The following DLG4 variants were observed in gnomAD, a reference collection of about 807,000 sequenced individuals.
DLG4 encodes the protein disks large homolog 4.
Under a neutral mutation model 93.8 loss-of-function variants are expected in DLG4, and 7 were observed. The ratio of observed to expected loss-of-function variants is 0.07; its 90% CI spans 0.04 to 0.14. The LOEUF is 0.14. Ranked by LOEUF, DLG4 falls within the 10% of genes least tolerant of loss-of-function variation. The pLI is 1.00. For missense variants in DLG4, 545 were observed against 992.9 expected, an observed-to-expected ratio of 0.55 and a Z score of 6.06; for synonymous variants, 341 against 387.6, an observed-to-expected ratio of 0.88 and a Z score of 1.41.
rs994013299 is a variant in DLG4 at position 7,187,311 on chromosome 17, G to GTA, written c.*3396_*3397insTA. Among the ~76,000 whole-genome samples, 1 of 125,574 alleles carries GTA rather than the reference G, an allele frequency of 8.0e-6. No homozygotes were observed. The highest frequency in any genetic ancestry group is 1.9e-5 in the Non-Finnish European group (1 of 53,880). The allele number at this position is 125,574 out of a possible 152,430, so 82.4% of individuals were successfully genotyped here. A position where few individuals can be genotyped will look rare whatever the true frequency, so the allele number is the denominator to read the frequency against. ...TCCTAGCACTTTGGGAGGCCGAGGGGGGGGGGGGTGGATCACCCGAGGTCA... is the reference window on the plus strand; with the variant it reads ...TCCTAGCACTTTGGGAGGCCGAGGGGTAGGGGGGGGTGGATCACCCGAGGTCA... On this transcript the variant is annotated 3_prime_UTR_variant, in exon 20 of 20. Transcript: ENST00000399506.
chr17:7,215,103 C>T (rs1406450351), intron 1 of DLG4, among the ~76,000 whole-genome samples: 1 of 152,204 alleles, frequency 6.6e-6, no homozygotes, highest in African/African-American at 2.4e-5. Context: ...AACCACAACT[C>T]CCAACAGCGC....
intron 8 of DLG4, 184 bp downstream of exon 8, chr17:7,202,719 C>T (rs35355120): frequency 0.017 from 13,272 of 787,088 alleles, 171 homozygotes; most frequent in Non-Finnish European, 0.022. Flanking sequence ...CGTTGACGAT[C>T]TTTTCTAGTT....
In DLG4 at chr17:7,197,139, A is replaced by C. The variant is rs572852977; in HGVS notation, c.788-87T>G. On this transcript the variant is annotated intron_variant, in intron 8 of 19. Coordinates refer to ENST00000399506, the MANE Select transcript of DLG4 (RefSeq NM_001321075.3). ...TCTCCCCAGGGTGCCAGAAGAGCCA[A>C]AGTTAGGTGGAAGGGAAGATATTCT... 2.3e-6 allele frequency: 3 copies of C among 1,322,270 alleles called. No homozygotes were observed. The East Asian group carries it at 7.5e-5, about 33-fold the overall frequency. The allele number at this position is 1,322,270 out of a possible 1,614,324, so 81.9% of individuals were successfully genotyped here. A position where few individuals can be genotyped will look rare whatever the true frequency, so the allele number is the denominator to read the frequency against.
rs1183050068 is a variant in DLG4 at position 7,193,619 on chromosome 17, G to A, written c.1592-35C>T. ...GAGCCTGGCTTAGGCCGAGCGCAGG[G>A]TTGGGGGAGCAGCAAGTGCTGGGGC... On this transcript the variant is annotated intron_variant, in intron 15 of 19. Transcript: ENST00000399506. This position sits in a 1 kb window ranked among gnomAD's most constrained non-coding sequence, Gnocchi z 6.7. 1.3e-6 allele frequency: 2 copies of A among 1,530,066 alleles called. No homozygotes were observed. Among genetic ancestry groups the A allele is most frequent in the Non-Finnish European group, 1.8e-6 (2 of 1,141,308 alleles). 94.8% of individuals were successfully genotyped at this position (1,530,066 alleles called of 1,614,324 possible). A position where few individuals can be genotyped will look rare whatever the true frequency, so the allele number is the denominator to read the frequency against.
At position 7,194,725 on chromosome 17, in the gene DLG4, G is replaced by C. The variant is rs1262625266; in HGVS notation, c.1302-230C>G. 6.6e-6 allele frequency among the ~76,000 whole-genome samples: 1 copy of C among 152,196 alleles called. No homozygotes were observed. The highest frequency in any genetic ancestry group is 1.9e-4 in the East Asian group (1 of 5,184). ...GTTTCCAGAGGCAGGGCTTGAACTTGACCCTCTCAAGAAAGCAGTTTGGGC... is the reference window on the plus strand; with the variant it reads ...GTTTCCAGAGGCAGGGCTTGAACTTCACCCTCTCAAGAAAGCAGTTTGGGC... On this transcript the variant is annotated intron_variant, in intron 11 of 19. Coordinates refer to ENST00000399506, the MANE Select transcript of DLG4 (RefSeq NM_001321075.3). The surrounding 1 kb of genome is among the most constrained non-coding windows in gnomAD (Gnocchi z 4.4).
chr17:7,199,090 C>G (rs1265788153), intron 8 of DLG4, among the ~76,000 whole-genome samples: 3 of 152,168 alleles, frequency 2.0e-5, no homozygotes, highest in African/African-American at 7.2e-5. Context: ...TCTGAGGTAG[C>G]TGGTACATGA....
Position 7,196,797 on chromosome 17 carries a change from T to A in DLG4, c.1043A>T (p.Asp348Val). The A allele has an allele frequency of 6.2e-7, 1 of 1,611,250 alleles. No homozygotes were observed. The change falls in exon 9 of 20, where the codon GAC becomes GTC. Residue 348 changes from aspartate (D) to valine (V), a missense_variant. Around this residue, in one of 5 missense-constraint regions of DLG4, gnomAD observed 428 missense variants for 741.4 expected, o/e 0.58. Coordinates refer to ENST00000399506, the MANE Select transcript of DLG4 (RefSeq NM_001321075.3). This position sits in a 1 kb window ranked among gnomAD's most constrained non-coding sequence, Gnocchi z 8.3. ...CCCCTTCCGCAGCTCCCCACTGAGG[T>A]CTGCAGGGCCCCCGGCCAGGATAAA... ...ISFILAGGPA[D>V]LSGELRKGDQ...
Position 7,191,196 on chromosome 17 carries a change from T to G in DLG4, c.2068+71A>C. ...CTCTTTCTAAGCCATCCACTGGGGG[T>G]GGCGGGGGAGCTCTTTCTAATCCGA... On this transcript the variant is annotated intron_variant, in intron 19 of 19. Coordinates refer to ENST00000399506, the MANE Select transcript of DLG4 (RefSeq NM_001321075.3). This position sits in a 1 kb window ranked among gnomAD's most constrained non-coding sequence, Gnocchi z 6.6. 1 of 1,459,582 alleles carries G rather than the reference T, an allele frequency of 6.9e-7. No homozygotes were observed. 90.4% of individuals were successfully genotyped at this position (1,459,582 alleles called of 1,614,324 possible).
In DLG4 at chr17:7,191,077, C is replaced by A. The variant is rs1445754501; in HGVS notation, c.2068+190G>T. Among the ~76,000 whole-genome samples, 2 of 145,508 alleles carry A rather than the reference C, an allele frequency of 1.4e-5. No homozygotes were observed. Among genetic ancestry groups the A allele is most frequent in the African/African-American group, 5.1e-5 (2 of 39,276 alleles). On this transcript the variant is annotated intron_variant, in intron 19 of 19. Coordinates refer to ENST00000399506, the MANE Select transcript of DLG4 (RefSeq NM_001321075.3). This position sits in a 1 kb window ranked among gnomAD's most constrained non-coding sequence, Gnocchi z 6.6. ...CTCTGCCTCCCAGGTTCAAGCGATT[C>A]TCCTGCCTCGGCCTACCGAGTAGCT...
At chr17:7,190,963 CTTTTT>C in intron 19 of DLG4, 149 bp from the exon 20 acceptor site, 243 of 348,104 alleles carry the variant, frequency 7.0e-4, no homozygotes, top group Middle Eastern at 1.7e-3. Context: ...AGGGGCACCT[CTTTTT>C]TTTTTTTTTT....
intron 1 of DLG4, among the ~76,000 whole-genome samples, chr17:7,209,072 A>C (rs1443597295): frequency 1.3e-5 from 2 of 152,136 alleles, no homozygotes; most frequent in Non-Finnish European, 2.9e-5. Flanking sequence ...GACAGGGGCA[A>C]GAATGGGTGC....
chr17:7,213,091 CTTTCTTTTT>C (rs1567551409), intron 1 of DLG4, among the ~76,000 whole-genome samples: 51 of 99,556 alleles, frequency 5.1e-4, no homozygotes, highest in African/African-American at 2.0e-3. Context: ...TTCTTTCTTT[CTTTCTTTTT>C]TTTTTTTTTT....
intron 8 of DLG4, among the ~76,000 whole-genome samples, chr17:7,199,592 T>C (rs2070005135): frequency 6.6e-6 from 1 of 152,172 alleles, no homozygotes; most frequent in Non-Finnish European, 1.5e-5. Context: ...GTTTGGATCC[T>C]GTGTCTTTGC....
intron 2 of DLG4, among the ~76,000 whole-genome samples, chr17:7,207,687 C>A (rs2142903458): frequency 6.6e-6 from 1 of 151,342 alleles, no homozygotes; most frequent in African/African-American, 2.5e-5. Context: ...CACCTCAACA[C>A]ACACGCATAC....
Position 7,190,352 on chromosome 17 carries a change from C to G in DLG4, c.*356G>C. The G allele has an allele frequency of 3.3e-6, 1 of 306,008 alleles. No individual in the cohort carries two copies. Among genetic ancestry groups the G allele is most frequent in the Non-Finnish European group, 6.3e-6 (1 of 158,796 alleles). 19.0% of individuals were successfully genotyped at this position (306,008 alleles called of 1,614,324 possible). On this transcript the variant is annotated 3_prime_UTR_variant, in exon 20 of 20. Transcript: ENST00000399506. Reference sequence around the variant, plus strand: ...CTGCAGCGGGTGCTCCTCGAGGGGGCCCTGACTTCTGGAATGTGTGTGGGA... The same window carrying G: ...CTGCAGCGGGTGCTCCTCGAGGGGGGCCTGACTTCTGGAATGTGTGTGGGA...
chr17:7,188,081 A>C lies in DLG4; in HGVS notation c.*2627T>G, dbSNP rs894840045. 1.3e-5 allele frequency among the ~76,000 whole-genome samples: 2 copies of C among 151,966 alleles called. No homozygotes were observed. Reference sequence around the variant, plus strand: ...GTGAAACTCGACCTCAAAAAAAAAAAAAAAAAAATCCTCTGAAGCAGTGCT... The same window carrying C: ...GTGAAACTCGACCTCAAAAAAAAAACAAAAAAAATCCTCTGAAGCAGTGCT... On this transcript the variant is annotated 3_prime_UTR_variant, in exon 20 of 20. Transcript: ENST00000399506.
rs1055597672 is a variant in DLG4 at position 7,196,922 on chromosome 17, G to C, written c.918C>G (p.Asp306Glu). The C allele has an allele frequency of 1.9e-6, 3 of 1,613,738 alleles. No homozygotes were observed. In the African/African-American group the frequency reaches 4.0e-5, roughly 22 times the overall value. ...PVAKDLLGEE[D>E]IPREPRRIVI... ...CAATTCGCCTCGGTTCTCGGGGAAT[G>C]TCTTCCTCCCCGAGCAGGTCCTTGG... The change falls in exon 9 of 20, where the codon GAC (aspartate) becomes GAG (glutamate). Residue 306 changes from aspartate to glutamate, a missense_variant. Transcript: ENST00000399506. The surrounding 1 kb of genome is among the most constrained non-coding windows in gnomAD (Gnocchi z 8.3).
upstream of DLG4, chr17:7,217,708 G>A (rs1371536746): frequency 7.8e-6 from 12 of 1,534,352 alleles, no homozygotes; most frequent in Non-Finnish European, 1.0e-5. Flanking sequence ...CTCCTTCTGT[G>A]CTGGCAGGAA....
At chr17:7,214,626 A>T (rs1280408505) in intron 1 of DLG4, among the ~76,000 whole-genome samples, 1 of 151,398 alleles carries the variant, frequency 6.6e-6, no homozygotes, top group East Asian at 1.9e-4. Flanking sequence ...TCTTTCCCCC[A>T]CTGTATCCCC....
Sources: allele counts gnomAD v4.1 joint callset (sites outside exome capture counted in the v4.1 genomes callset), GRCh38; gene constraint gnomAD v4.1.1; regional missense constraint gnomAD v4.1.1; non-coding constraint Gnocchi (gnomAD v3.1); transcripts MANE v1.5; gene names NCBI Gene and HGNC (gene_info 2026-07-23, HGNC 2026-07-21).